NPHP4: variants seen among roughly 807,000 people sequenced by gnomAD.
NPHP4 encodes the protein nephrocystin-4.
NPHP4 carries 151 observed loss-of-function variants against 155.8 expected under a neutral mutation model. The observed-to-expected ratio is 0.97, with a 90% CI of 0.85 to 1.11. The LOEUF is 1.11. NPHP4 is among the 50% of genes least tolerant of loss of function. The probability of loss-of-function intolerance (pLI) is 0.00; values close to 1 mark genes in which losing one functional copy is unlikely to be tolerated. For missense variants in NPHP4, 1,956 were observed against 1,925.7 expected, an observed-to-expected ratio of 1.02 and a Z score of -0.29; for synonymous variants, 845 against 816.8, an observed-to-expected ratio of 1.03 and a Z score of -0.59.
chr1:5,935,008 C>T (rs922673375), intron 9 of NPHP4, among the ~76,000 whole-genome samples: 1 of 152,164 alleles, frequency 6.6e-6, no homozygotes, highest in Admixed American at 6.5e-5. Context: ...TGCATGCGTG[C>T]TCTCAAGGCC....
chr1:5,919,160 T>G (rs1282309951), intron 11 of NPHP4, among the ~76,000 whole-genome samples: 1 of 152,234 alleles, frequency 6.6e-6, no homozygotes, highest in Admixed American at 6.5e-5. Flanking sequence ...CCTAAAATAC[T>G]TACTATTTGG....
intron 1 of NPHP4, among the ~76,000 whole-genome samples, chr1:5,989,547 G>A (rs1338304023): frequency 1.4e-5 from 2 of 144,080 alleles, no homozygotes; most frequent in East Asian, 4.6e-4. Context: ...TGTGTTCTTG[G>A]TACCGTCACA....
chr1:5,867,275 A>C lies in NPHP4; in HGVS notation c.3473-160T>G. 1.6e-6 allele frequency: 1 copy of C among 614,288 alleles called. No homozygotes were observed. Among genetic ancestry groups the C allele is most frequent in the Admixed American group, 2.7e-5 (1 of 36,866 alleles). The allele number at this position is 614,288 out of a possible 1,614,324, so 38.1% of individuals were successfully genotyped here. A position where few individuals can be genotyped will look rare whatever the true frequency, so the allele number is the denominator to read the frequency against. On this transcript the variant is annotated intron_variant, in intron 24 of 29. Coordinates refer to ENST00000378156, the MANE Select transcript of NPHP4 (RefSeq NM_015102.5). This position sits in a 1 kb window ranked among gnomAD's most constrained non-coding sequence, Gnocchi z 4.1. ...ACGCCGCCACCTTTCCCAGGACAGC[A>C]TCCAAGCACTGTGTTCCCTGCATGG...
In NPHP4 at chr1:5,905,708, A is replaced by C; in HGVS notation, c.1687T>G (p.Ser563Ala). ...AGCTCCTGTAACTGTTCGGCAATGG[A>C]TGTTTCCAGGACCAGGGAGGTCTGG... ...LSQTSLVLET[S>A]IAEQLQELPF... Residue 563 changes from serine (S) to alanine (A), a missense_variant, in exon 14 of 30, where the codon TCC becomes GCC. By Grantham distance (99) the Ser-to-Ala change is moderately conservative. Transcript: ENST00000378156. This position sits in a 1 kb window ranked among gnomAD's most constrained non-coding sequence, Gnocchi z 4.0. 1 of 1,613,780 alleles carries C rather than the reference A, an allele frequency of 6.2e-7. No homozygotes were observed. The highest frequency in any genetic ancestry group is 8.5e-7 in the Non-Finnish European group (1 of 1,179,810).
At chr1:5,956,071 G>T (rs1322429378) in intron 6 of NPHP4, among the ~76,000 whole-genome samples, 1 of 126,728 alleles carries the variant, frequency 7.9e-6, no homozygotes, top group East Asian at 2.8e-4. Flanking sequence ...GGGGGGGGGG[G>T]TGCAGGGAGG....
chr1:5,864,124 C>T (rs1640932612), intron 28 of NPHP4, 91 bp from the exon 29 acceptor site: 1 of 1,452,650 alleles, frequency 6.9e-7, no homozygotes, highest in Non-Finnish European at 9.5e-7. Context: ...CTCCTGTGCA[C>T]CGTGCACGGG....
At chr1:5,874,847 G>A (rs767104309) in intron 21 of NPHP4, 27 bp downstream of exon 21, 3 of 1,599,914 alleles carry the variant, frequency 1.9e-6, no homozygotes, top group East Asian at 2.2e-5. Context: ...CTGGGCTGGG[G>A]CAGGACGGGC....
chr1:5,963,630 G>A (rs551559840), intron 5 of NPHP4, among the ~76,000 whole-genome samples: 18 of 151,376 alleles, frequency 1.2e-4, no homozygotes, highest in African/African-American at 4.1e-4. Flanking sequence ...AAGAATTCAC[G>A]CACATGCTCA....
intron 28 of NPHP4, 147 bp from the exon 29 acceptor site, chr1:5,864,180 GGA>G (rs1640942210): frequency 8.7e-7 from 1 of 1,148,212 alleles, no homozygotes; most frequent in East Asian, 2.6e-5. Context: ...CTTCCATCCG[GGA>G]GAGACACAGC....
rs141538649 is a variant in NPHP4 at position 5,961,873 on chromosome 1, C to T, written c.594G>A (p.Ala198=). 1.2e-5 allele frequency: 20 copies of T among 1,613,726 alleles called. No homozygotes were observed. The highest frequency in any genetic ancestry group is 6.7e-5 in the African/African-American group (5 of 74,938). ...TLKPHPALEP[A]FHLLPENLLV... ...GAAGGTTCTCAGGAAGAAGGTGGAA[C>T]GCAGGCTCCAGGGCCGGGTGTGGCT... The change falls in exon 6 of 30, where the codon GCG becomes GCA. Residue 198 remains alanine (A), a synonymous_variant. Transcript: ENST00000378156.
intron 11 of NPHP4, among the ~76,000 whole-genome samples, chr1:5,912,384 A>C (rs1454681661): frequency 6.6e-6 from 1 of 152,066 alleles, no homozygotes; most frequent in Non-Finnish European, 1.5e-5. Flanking sequence ...TAAAAATACA[A>C]AAAATTAGCC....
At chr1:5,916,782 C>G (rs557595860) in intron 11 of NPHP4, among the ~76,000 whole-genome samples, 1 of 152,160 alleles carries the variant, frequency 6.6e-6, no homozygotes, top group African/African-American at 2.4e-5. Context: ...CCAAGGTGGG[C>G]GGATCACCTG....
At chr1:5,921,534 G>A (rs557170359) in intron 11 of NPHP4, among the ~76,000 whole-genome samples, 2 of 152,104 alleles carry the variant, frequency 1.3e-5, no homozygotes, top group South Asian at 2.1e-4. Flanking sequence ...GGAATAAAAC[G>A]GTTTGTCATT....
At chr1:5,956,163 G>A (rs551737615) in intron 6 of NPHP4, among the ~76,000 whole-genome samples, 14 of 152,180 alleles carry the variant, frequency 9.2e-5, no homozygotes, top group Non-Finnish European at 1.8e-4. Flanking sequence ...GTGTGCCATG[G>A]GTGCCCCATC....
At chr1:5,982,833 G>T (rs570010631) in intron 2 of NPHP4, among the ~76,000 whole-genome samples, 1 of 152,168 alleles carries the variant, frequency 6.6e-6, no homozygotes, top group East Asian at 1.9e-4. Flanking sequence ...GGATTTTCTA[G>T]ATCTCATATT....
rs762953303 is a variant in NPHP4 at position 5,865,156 on chromosome 1, C to T, written c.3762G>A (p.Gly1254=). ...QLTRLSLVLR[G]TQTVRKVRAF... is the part of the protein sequence containing the mutation. ...CTCTCACTTTCCTCACTGTCTGTGT[C>T]CCCCGAAGGACAAGGGACAGGCGGG... Residue 1254 remains glycine, a synonymous_variant, in exon 27 of 30, where the codon GGG becomes GGA. Coordinates refer to ENST00000378156, the MANE Select transcript of NPHP4 (RefSeq NM_015102.5). The T allele has an allele frequency of 4.3e-6, 7 of 1,613,552 alleles. No homozygotes were observed. The highest frequency in any genetic ancestry group is 5.9e-6 in the Non-Finnish European group (7 of 1,179,826).
chr1:5,930,647 TCTCAA>T (rs1646227703), intron 10 of NPHP4, among the ~76,000 whole-genome samples: 1 of 152,256 alleles, frequency 6.6e-6, no homozygotes, highest in Non-Finnish European at 1.5e-5. Flanking sequence ...TCCTGTATAA[TCTCAA>T]CTCTCTTAAA....
At position 5,882,600 on chromosome 1, in the gene NPHP4, T is replaced by A. The variant is rs1168369509; in HGVS notation, c.2486-2361A>T. The A allele has an allele frequency of 6.5e-6, 1 of 152,906 alleles. No homozygotes were observed. The highest frequency in any genetic ancestry group is 2.4e-5 in the African/African-American group (1 of 41,474). 9.5% of individuals were successfully genotyped at this position (152,906 alleles called of 1,614,324 possible). On this transcript the variant is annotated intron_variant, in intron 18 of 29. Coordinates refer to ENST00000378156, the MANE Select transcript of NPHP4 (RefSeq NM_015102.5). The surrounding 1 kb of genome is among the most constrained non-coding windows in gnomAD (Gnocchi z 5.1). ...GCCCACATGCCCTACACTGTGCTTCTGCCTTCGGGCTACCAACCGCCTCCT... is the reference window on the plus strand; with the variant it reads ...GCCCACATGCCCTACACTGTGCTTCAGCCTTCGGGCTACCAACCGCCTCCT...
chr1:5,952,074 A>G (rs917873744), intron 7 of NPHP4, among the ~76,000 whole-genome samples: 1 of 152,108 alleles, frequency 6.6e-6, no homozygotes, highest in Non-Finnish European at 1.5e-5. Context: ...AAACCCATAC[A>G]CTGAAAAGCA....
Sources: gnomAD v4.1 joint callset for allele counts (sites outside exome capture counted in the v4.1 genomes callset) on GRCh38, gnomAD v4.1.1 for gene constraint, Gnocchi (gnomAD v3.1) non-coding constraint, MANE v1.5 for transcripts, NCBI Gene and HGNC (gene_info 2026-07-23, HGNC 2026-07-21) for gene names.